The following KCND3 variants were observed in gnomAD, a reference collection of about 807,000 sequenced individuals.
KCND3 encodes the protein A-type voltage-gated potassium channel KCND3.
A neutral mutation model predicts 51.1 loss-of-function variants in KCND3; 9 were observed. That is an observed-to-expected ratio of 0.18 (90% CI 0.11 to 0.31). The LOEUF is 0.31. Among genes scored for constraint, KCND3 ranks in the 10% least tolerant of loss-of-function variants. KCND3 has a pLI of 1.00. For missense variants in KCND3, 526 were observed against 903.8 expected, an observed-to-expected ratio of 0.58 and a Z score of 5.36; for synonymous variants, 349 against 368.0, an observed-to-expected ratio of 0.95 and a Z score of 0.59.
intron 6 of KCND3, among the ~76,000 whole-genome samples, chr1:111,778,136 T>A (rs1283287640): frequency 6.6e-6 from 1 of 152,188 alleles, no homozygotes; most frequent in Admixed American, 6.6e-5. Flanking sequence ...GGAGCTGGGA[T>A]GTGGCACAGA....
At chr1:111,912,695 G>A (rs1671019365) in intron 2 of KCND3, among the ~76,000 whole-genome samples, 2 of 152,114 alleles carry the variant, frequency 1.3e-5, no homozygotes, top group Non-Finnish European at 2.9e-5. Context: ...GCAGGCCTAG[G>A]CTAATGTGTG....
At chr1:111,917,221 T>C (rs577485551) in intron 2 of KCND3, among the ~76,000 whole-genome samples, 13 of 152,302 alleles carry the variant, frequency 8.5e-5, no homozygotes, top group South Asian at 6.2e-4. Context: ...CTATTTACCA[T>C]TTCATTCAAC....
intron 2 of KCND3, among the ~76,000 whole-genome samples, chr1:111,861,448 A>C (rs1668336279): frequency 6.6e-6 from 1 of 152,214 alleles, no homozygotes. Context: ...CAGTCTCAGG[A>C]ACTTAGAATG....
At chr1:111,793,860 G>A (rs766682601) in intron 2 of KCND3, among the ~76,000 whole-genome samples, 7 of 152,254 alleles carry the variant, frequency 4.6e-5, no homozygotes, top group Non-Finnish European at 7.4e-5. Context: ...AACCCAAAGC[G>A]TTATTTCCTT....
chr1:111,803,462 G>C (rs12753950), intron 2 of KCND3, among the ~76,000 whole-genome samples: 3 of 152,162 alleles, frequency 2.0e-5, no homozygotes, highest in African/African-American at 7.2e-5. Context: ...GTGGTCCTTA[G>C]GGCTGCTGGT....
intron 2 of KCND3, among the ~76,000 whole-genome samples, chr1:111,861,924 A>AC (rs1316424623): frequency 3.9e-5 from 6 of 151,978 alleles, no homozygotes; most frequent in African/African-American, 1.2e-4. Context: ...TATGCGAGGG[A>AC]CCCCCAAATA....
intron 2 of KCND3, among the ~76,000 whole-genome samples, chr1:111,831,511 C>A (rs1666832026): frequency 6.6e-6 from 1 of 152,208 alleles, no homozygotes; most frequent in Non-Finnish European, 1.5e-5. Context: ...GGACAGCCTG[C>A]AGAACCATGA....
At chr1:111,920,347 A>G (rs915089415) in intron 2 of KCND3, among the ~76,000 whole-genome samples, 4 of 152,216 alleles carry the variant, frequency 2.6e-5, no homozygotes, top group African/African-American at 9.6e-5. Context: ...TCTCTGGGAA[A>G]TAATCACACT....
At position 111,793,176 on chromosome 1, in the gene KCND3, CT is replaced by C. The variant is rs527596358; in HGVS notation, c.1107-6071del. On this transcript the variant is annotated intron_variant, in intron 2 of 7. Transcript: ENST00000302127. Reference sequence around the variant, plus strand: ...AATCACACCCAGCCAGAAGCATATTCTTTTTTTTTTTTTTTTTGAGACAGAG... The same window carrying C: ...AATCACACCCAGCCAGAAGCATATTCTTTTTTTTTTTTTTTTGAGACAGAG... 6.5e-3 allele frequency among the ~76,000 whole-genome samples: 875 copies of C among 134,800 alleles called. 9 individuals are homozygous for C. Among genetic ancestry groups the C allele is most frequent in the African/African-American group, 0.018 (668 of 36,512 alleles). The allele number at this position is 134,800 out of a possible 152,430, so 88.4% of individuals were successfully genotyped here.
intron 3 of KCND3, among the ~76,000 whole-genome samples, chr1:111,781,049 TCTC>T (rs1462384865): frequency 6.6e-6 from 1 of 152,200 alleles, no homozygotes; most frequent in African/African-American, 2.4e-5. Context: ...CAAGCTCTCT[TCTC>T]CCAAAGGTTT....
At chr1:111,808,018 C>T (rs1385153292) in intron 2 of KCND3, among the ~76,000 whole-genome samples, 1 of 152,092 alleles carries the variant, frequency 6.6e-6, no homozygotes, top group Non-Finnish European at 1.5e-5. Context: ...AACTAAAAAG[C>T]ACAGCTAAAA....
At chr1:111,949,698 A>T (rs1282302693) in intron 2 of KCND3, among the ~76,000 whole-genome samples, 1 of 152,046 alleles carries the variant, frequency 6.6e-6, no homozygotes, top group African/African-American at 2.4e-5. Flanking sequence ...TCTGCCTAGA[A>T]CAGGCTCCTA....
chr1:111,960,512 C>A (rs72977018), intron 2 of KCND3, among the ~76,000 whole-genome samples: 1 of 152,228 alleles, frequency 6.6e-6, no homozygotes, highest in Non-Finnish European at 1.5e-5. Flanking sequence ...CAGCAGTGGT[C>A]AGGCACGGAC....
chr1:111,834,748 G>T (rs932503622), intron 2 of KCND3, among the ~76,000 whole-genome samples: 3 of 152,180 alleles, frequency 2.0e-5, no homozygotes, highest in African/African-American at 7.2e-5. Flanking sequence ...GCCTTCTGAA[G>T]AAACACAGAA....
intron 2 of KCND3, among the ~76,000 whole-genome samples, chr1:111,964,082 C>A (rs1488186249): frequency 1.3e-5 from 2 of 152,146 alleles, no homozygotes; most frequent in African/African-American, 4.8e-5. Flanking sequence ...TATTGTGATT[C>A]GGCAGAAGGA....
intron 2 of KCND3, among the ~76,000 whole-genome samples, chr1:111,874,283 G>A (rs535688461): frequency 5.3e-5 from 8 of 152,304 alleles, no homozygotes; most frequent in Admixed American, 1.3e-4. Context: ...TGCATGGACC[G>A]CTGAGGAGTT....
intron 2 of KCND3, among the ~76,000 whole-genome samples, chr1:111,977,185 G>A (rs1674679322): frequency 6.6e-6 from 1 of 152,236 alleles, no homozygotes; most frequent in Non-Finnish European, 1.5e-5. Flanking sequence ...GAGGAGCACT[G>A]ATGGGCTCCG....
intron 2 of KCND3, among the ~76,000 whole-genome samples, chr1:111,811,104 G>A (rs1665826847): frequency 6.6e-6 from 1 of 152,200 alleles, no homozygotes; most frequent in Non-Finnish European, 1.5e-5. Context: ...ATGATCAGGG[G>A]AGAGGGGTCT....
chr1:111,948,623 G>A (rs1480933509), intron 2 of KCND3, among the ~76,000 whole-genome samples: 3 of 152,048 alleles, frequency 2.0e-5, no homozygotes, highest in East Asian at 1.9e-4. Context: ...AAAAACCCTC[G>A]GACCAATTAG....
Sources: allele counts gnomAD v4.1 joint callset (sites outside exome capture counted in the v4.1 genomes callset), GRCh38; gene constraint gnomAD v4.1.1; transcripts MANE v1.5; gene names NCBI Gene and HGNC (gene_info 2026-07-23, HGNC 2026-07-21).